The following MTA3 variants were observed in gnomAD, a reference collection of about 807,000 sequenced individuals.
MTA3 encodes metastasis associated 1 family member 3.
A neutral mutation model predicts 83.5 loss-of-function variants in MTA3; 34 were observed. That is an observed-to-expected ratio of 0.41 (90% CI 0.31 to 0.54). The LOEUF (loss-of-function observed/expected upper bound fraction) is 0.54. Among genes scored for constraint, MTA3 ranks in the 20% least tolerant of loss-of-function variants. The probability of loss-of-function intolerance (pLI) is 0.33; values close to 1 mark genes in which losing one functional copy is unlikely to be tolerated. For missense variants in MTA3, 761 were observed against 726.4 expected (o/e 1.05, Z -0.55); for synonymous variants, 303 against 252.7 (o/e 1.20, Z -1.89).
At chr2:42,718,198 G>T (rs1380431999) in intron 14 of MTA3, among the ~76,000 whole-genome samples, 1 of 151,074 alleles carries the variant, frequency 6.6e-6, no homozygotes, top group Non-Finnish European at 1.5e-5. Flanking sequence ...GATAATGGTG[G>T]TAATGTCCTT....
chr2:42,695,152 T>C (rs1693264422), intron 9 of MTA3, among the ~76,000 whole-genome samples: 2 of 151,872 alleles, frequency 1.3e-5, no homozygotes, highest in Admixed American at 6.6e-5. Context: ...AGAAATGTTA[T>C]CAGTTATGAT....
chr2:42,638,168 A>T (rs1687366517), intron 4 of MTA3, among the ~76,000 whole-genome samples: 2 of 152,108 alleles, frequency 1.3e-5, no homozygotes, highest in South Asian at 4.1e-4. Context: ...TAGGTGATTG[A>T]GTATCAAATG....
chr2:42,731,531 G>A lies in MTA3; in HGVS notation c.1759+8496G>A, dbSNP rs537663324. Among the ~76,000 whole-genome samples the A allele has an allele frequency of 2.2e-4, 34 of 152,264 alleles. 1 individual carries two copies. The South Asian group carries it at 6.2e-3, about 28-fold the overall frequency. ...ACTTCTAATAAACCCATCAGATCTC[G>A]TGAGACTTACTCACTATGACAAGAA... On this transcript the variant is annotated intron_variant, in intron 16 of 16. Coordinates refer to ENST00000405094, the MANE Select transcript of MTA3 (RefSeq NM_001330442.2).
intron 3 of MTA3, among the ~76,000 whole-genome samples, chr2:42,599,572 AGT>A (rs1228743984): frequency 1.3e-5 from 2 of 152,096 alleles, no homozygotes; most frequent in African/African-American, 4.8e-5. Flanking sequence ...CCCGGGCGAC[AGT>A]GTGAGACTCC....
At chr2:42,632,771 C>CTTTTTT (rs1686810173) in intron 4 of MTA3, among the ~76,000 whole-genome samples, 1 of 152,112 alleles carries the variant, frequency 6.6e-6, no homozygotes, top group African/African-American at 2.4e-5. Flanking sequence ...CCAAACTTCT[C>CTTTTTT]TTTTTGGCTT....
intron 2 of MTA3, among the ~76,000 whole-genome samples, chr2:42,553,866 A>T (rs1457764410): frequency 1.2e-5 from 1 of 86,450 alleles, no homozygotes; most frequent in African/African-American, 5.5e-5. Flanking sequence ...GCAAGACTCC[A>T]TCTCAAAAAA....
At chr2:42,572,135 C>T (rs995522743) in intron 2 of MTA3, among the ~76,000 whole-genome samples, 15 of 151,348 alleles carry the variant, frequency 9.9e-5, no homozygotes, top group Non-Finnish European at 1.3e-4. Flanking sequence ...AAAAATTAGC[C>T]GGGCATGGTG....
At chr2:42,522,640 A>G (rs982823562) in intron 2 of MTA3, among the ~76,000 whole-genome samples, 1 of 152,002 alleles carries the variant, frequency 6.6e-6, no homozygotes, top group Admixed American at 6.6e-5. Context: ...TACACAAAAA[A>G]ATAAAAATTA....
intron 14 of MTA3, among the ~76,000 whole-genome samples, chr2:42,715,378 G>A (rs1019311631): frequency 6.9e-6 from 1 of 144,706 alleles, no homozygotes; most frequent in Non-Finnish European, 1.5e-5. Flanking sequence ...TTTTTTCACA[G>A]TTGAGACATA....
chr2:42,529,905 C>T (rs1369190362), intron 2 of MTA3, among the ~76,000 whole-genome samples: 1 of 152,102 alleles, frequency 6.6e-6, no homozygotes, highest in Non-Finnish European at 1.5e-5. Flanking sequence ...AGATTACAAT[C>T]GGACAGGCGC....
Position 42,704,266 on chromosome 2 carries a change from C to G in MTA3, c.1098C>G (p.Thr366=), listed in dbSNP as rs780840030. The G allele has an allele frequency of 2.4e-5, 39 of 1,613,808 alleles. No homozygotes were observed. The highest frequency in any genetic ancestry group is 3.0e-5 in the Non-Finnish European group (35 of 1,179,878). ...KPGAVNGAVG[T]TFQPQNPLLG... ...GTGCTGTGAATGGAGCTGTGGGGAC[C>G]ACGTTCCAGCCTCAGAATCCTCTCT... is the stretch of plus-strand genomic sequence containing the variant. The change falls in exon 12 of 17, where the codon ACC becomes ACG. Residue 366 remains threonine (T), a synonymous_variant. Transcript: ENST00000405094.
intron 12 of MTA3, among the ~76,000 whole-genome samples, chr2:42,704,601 G>C (rs532856974): frequency 6.6e-6 from 1 of 152,290 alleles, no homozygotes; most frequent in African/African-American, 2.4e-5. Flanking sequence ...GTTGTGTTTA[G>C]AGTCATATTA....
At chr2:42,741,594 T>C (rs1317151925) in intron 16 of MTA3, among the ~76,000 whole-genome samples, 1 of 118,016 alleles carries the variant, frequency 8.5e-6, no homozygotes, top group Non-Finnish European at 1.7e-5. Context: ...TCTCTGAGAA[T>C]AGAGATGCTC....
intron 4 of MTA3, among the ~76,000 whole-genome samples, chr2:42,627,963 C>T (rs1686281611): frequency 1.3e-5 from 2 of 151,894 alleles, no homozygotes; most frequent in Admixed American, 6.6e-5. Context: ...TGGCTTACTG[C>T]AATCTCCGAC....
At chr2:42,695,392 T>C (rs1388668060) in intron 9 of MTA3, among the ~76,000 whole-genome samples, 2 of 151,942 alleles carry the variant, frequency 1.3e-5, no homozygotes, top group South Asian at 2.1e-4. Flanking sequence ...CTCAGCACTT[T>C]GGGAGGCCGA....
chr2:42,603,467 A>G (rs1682834172), intron 3 of MTA3, among the ~76,000 whole-genome samples: 1 of 152,194 alleles, frequency 6.6e-6, no homozygotes, highest in African/African-American at 2.4e-5. Context: ...AGTATTGGGC[A>G]GCTTTTGCCC....
intron 2 of MTA3, among the ~76,000 whole-genome samples, chr2:42,520,274 C>T (rs1211672729): frequency 3.3e-5 from 5 of 152,150 alleles, no homozygotes; most frequent in Non-Finnish European, 7.3e-5. Context: ...TTAGATCTCC[C>T]GTTCTTTTCC....
intron 2 of MTA3, among the ~76,000 whole-genome samples, chr2:42,542,662 C>T (rs1363373316): frequency 6.6e-6 from 1 of 152,040 alleles, no homozygotes. Context: ...AGCAATCCTC[C>T]CACCTCAGCC....
At chr2:42,660,087 T>C (rs1035397220) in intron 8 of MTA3, among the ~76,000 whole-genome samples, 4 of 151,940 alleles carry the variant, frequency 2.6e-5, no homozygotes, top group South Asian at 2.1e-4. Context: ...GTTTTTTTTT[T>C]TTTCTTTCTT....
Sources: gnomAD v4.1 joint callset for allele counts (sites outside exome capture counted in the v4.1 genomes callset) on GRCh38, gnomAD v4.1.1 for gene constraint, MANE v1.5 for transcripts, NCBI Gene and HGNC (gene_info 2026-07-23, HGNC 2026-07-21) for gene names.